ELF2: variants seen among roughly 807,000 people sequenced by gnomAD.
ELF2 encodes the protein ETS-related transcription factor Elf-2.
A neutral mutation model predicts 54.8 loss-of-function variants in ELF2; 11 were observed. The observed-to-expected ratio is 0.20, with a 90% confidence interval of 0.13 to 0.33. The LOEUF (loss-of-function observed/expected upper bound fraction) is 0.33, where lower values mean the gene tolerates loss of function less well. Ranked by LOEUF, ELF2 falls within the 10% of genes least tolerant of loss-of-function variation. The pLI is 1.00. For missense variants in ELF2, 513 were observed against 703.0 expected, an observed-to-expected ratio of 0.73 and a Z score of 3.06; for synonymous variants, 203 against 245.1, an observed-to-expected ratio of 0.83 and a Z score of 1.61.
At chr4:139,172,861 G>A (rs1255666902) in intron 1 of ELF2, among the ~76,000 whole-genome samples, 2 of 108,148 alleles carry the variant, frequency 1.8e-5, no homozygotes, top group East Asian at 6.5e-4. Context: ...GGGGGTCTTG[G>A]AATGTATCCC....
intron 7 of ELF2, among the ~76,000 whole-genome samples, chr4:139,064,005 T>C (rs912754818): frequency 1.3e-5 from 2 of 152,204 alleles, no homozygotes; most frequent in Admixed American, 1.3e-4. Context: ...GTGCCAAGGT[T>C]CTTATTAATA....
chr4:139,083,120 G>C (rs1329062547), intron 4 of ELF2, among the ~76,000 whole-genome samples: 1 of 151,916 alleles, frequency 6.6e-6, no homozygotes, highest in African/African-American at 2.4e-5. Flanking sequence ...ATTGGAACCA[G>C]AGGCCTGTCA....
intron 1 of ELF2, among the ~76,000 whole-genome samples, chr4:139,161,303 G>A (rs2148900807): frequency 6.6e-6 from 1 of 152,236 alleles, no homozygotes; most frequent in South Asian, 2.1e-4. Context: ...CTTCAGAACT[G>A]TTAGCATACA....
chr4:139,078,388 A>G (rs1443250205), intron 4 of ELF2, among the ~76,000 whole-genome samples: 1 of 152,200 alleles, frequency 6.6e-6, no homozygotes, highest in Non-Finnish European at 1.5e-5. Context: ...CCGATTTACC[A>G]CTACTTATCC....
At chr4:139,083,791 TGAAGC>T (rs1731533371) in intron 4 of ELF2, among the ~76,000 whole-genome samples, 1 of 152,002 alleles carries the variant, frequency 6.6e-6, no homozygotes, top group Admixed American at 6.6e-5. Context: ...GCAACTGGGG[TGAAGC>T]GCACAACTCG....
chr4:139,069,043 T>C (rs1466725142), intron 6 of ELF2, among the ~76,000 whole-genome samples: 24 of 152,284 alleles, frequency 1.6e-4, no homozygotes, highest in African/African-American at 5.3e-4. Context: ...CTAATTTTTG[T>C]ATTTTTTGTA....
At chr4:139,132,399 A>G (rs1161098446) in intron 3 of ELF2, among the ~76,000 whole-genome samples, 1 of 152,144 alleles carries the variant, frequency 6.6e-6, no homozygotes, top group Non-Finnish European at 1.5e-5. Context: ...ATCACCCCAG[A>G]AAGTTCCCTC....
chr4:139,059,622 AG>A lies in ELF2; in HGVS notation c.1158-16del, dbSNP rs768947968. 38 of 1,593,686 alleles carry A rather than the reference AG, an allele frequency of 2.4e-5. No individual in the cohort carries two copies. The highest frequency in any genetic ancestry group is 3.4e-5 in the Admixed American group (2 of 58,436). ...CACGAACTGTCCTAGTACATTAGAA[AG>A]AAAAAAGCTGATTATATTTAATGCC... On this transcript the variant is annotated splice_polypyrimidine_tract_variant and intron_variant, in intron 9 of 9. Transcript: ENST00000686138.
chr4:139,122,870 T>G (rs967282462), intron 4 of ELF2, among the ~76,000 whole-genome samples: 1 of 151,846 alleles, frequency 6.6e-6, no homozygotes, highest in Non-Finnish European at 1.5e-5. Flanking sequence ...ATATTAACAA[T>G]CTTTATAAAG....
rs183361076 is a variant in ELF2, at chr4:139,136,892, C to T, written c.72+738G>A. 7.8e-3 allele frequency: 1,186 copies of T among 152,324 alleles called. 5 individuals carry two copies. The highest frequency in any genetic ancestry group is 0.01 in the Non-Finnish European group (692 of 68,086). 9.4% of individuals were successfully genotyped at this position (152,324 alleles called of 1,614,324 possible). On this transcript the variant is annotated intron_variant, in intron 3 of 9. Transcript: ENST00000686138. ...ATGTTAGCCAGGATGGTCTCAAATG[C>T]CTGACCTGGTGATCCGCCCACCTGG...
rs139739709 is a variant in ELF2, at chr4:139,090,131, C to G, written c.239-16564G>C. ...ATTTTAGAGACAAGGGTCCAGCCAT[C>G]TTGCCCAAGGTAGTCTTGAACTCCT... On this transcript the variant is annotated intron_variant, in intron 4 of 9. Transcript: ENST00000686138. 6.7e-3 allele frequency among the ~76,000 whole-genome samples: 1,016 copies of G among 152,268 alleles called. 15 individuals are homozygous for G. Among genetic ancestry groups the G allele is most frequent in the African/African-American group, 0.023 (973 of 41,550 alleles).
At chr4:139,134,211 T>C (rs1336450369) in intron 3 of ELF2, among the ~76,000 whole-genome samples, 4 of 152,208 alleles carry the variant, frequency 2.6e-5, no homozygotes, top group Non-Finnish European at 5.9e-5. Context: ...TAACTGCTGA[T>C]ATAATCACCT....
At chr4:139,073,143 A>G (rs565184795) in intron 5 of ELF2, among the ~76,000 whole-genome samples, 4 of 152,346 alleles carry the variant, frequency 2.6e-5, no homozygotes, top group South Asian at 2.1e-4. Flanking sequence ...CCCATCTATC[A>G]TACTCTGAAG....
intron 8 of ELF2, 117 bp downstream of exon 8, chr4:139,061,748 A>T: frequency 8.3e-7 from 1 of 1,203,206 alleles, no homozygotes; most frequent in Non-Finnish European, 1.1e-6. Flanking sequence ...AAGCTCCTCT[A>T]GAATATCCCC....
intron 4 of ELF2, among the ~76,000 whole-genome samples, chr4:139,118,409 CTG>C (rs1157497238): frequency 2.0e-5 from 3 of 152,142 alleles, no homozygotes; most frequent in African/African-American, 4.8e-5. Context: ...TAGGAGGAAA[CTG>C]TCTTTGAGCA....
intron 4 of ELF2, among the ~76,000 whole-genome samples, chr4:139,106,476 G>A (rs1013919037): frequency 7.2e-5 from 11 of 152,034 alleles, no homozygotes; most frequent in South Asian, 4.1e-4. Flanking sequence ...TAGCTCTTTC[G>A]TTTTAAATAA....
intron 4 of ELF2, among the ~76,000 whole-genome samples, chr4:139,120,396 C>T (rs1291852634): frequency 6.6e-6 from 1 of 152,146 alleles, no homozygotes; most frequent in African/African-American, 2.4e-5. Flanking sequence ...TCTCATCTTT[C>T]CCCCTACAAT....
chr4:139,148,316 ATTTTTTTTTTTTTTTT>A (rs772079635), intron 1 of ELF2, among the ~76,000 whole-genome samples: 2 of 64,532 alleles, frequency 3.1e-5, no homozygotes, highest in African/African-American at 5.7e-5. Flanking sequence ...TACCTGGCTA[ATTTTTTTTTTTTTTTT>A]TTTTTTTTTT....
chr4:139,065,175 A>T (rs1460936024), intron 7 of ELF2, among the ~76,000 whole-genome samples: 1 of 152,142 alleles, frequency 6.6e-6, no homozygotes, highest in East Asian at 1.9e-4. Context: ...AATCCCTCAT[A>T]TTATCTTTAA....
Sources: gnomAD v4.1 joint callset for allele counts (sites outside exome capture counted in the v4.1 genomes callset) on GRCh38, gnomAD v4.1.1 for gene constraint, MANE v1.5 for transcripts, NCBI Gene and HGNC (gene_info 2026-07-23, HGNC 2026-07-21) for gene names.